The following CPA5 variants were observed in gnomAD, a reference collection of about 807,000 sequenced individuals.
CPA5 encodes testicular tissue protein Li 32.
Under a neutral mutation model 52.2 loss-of-function variants are expected in CPA5, and 38 were observed. The observed-to-expected ratio is 0.73, with a 90% CI of 0.56 to 0.95. The LOEUF (loss-of-function observed/expected upper bound fraction) is 0.95, where lower values mean the gene tolerates loss of function less well. CPA5 is among the 40% of genes least tolerant of loss of function. The pLI, the probability that CPA5 is intolerant of heterozygous loss-of-function variation, is 0.00. For missense variants in CPA5, 519 were observed against 566.7 expected, an observed-to-expected ratio of 0.92 and a Z score of 0.86; for synonymous variants, 198 against 213.7, an observed-to-expected ratio of 0.93 and a Z score of 0.64.
At position 130,346,555 on chromosome 7, in the gene CPA5, T is replaced by C. The variant is rs367730990; in HGVS notation, c.70T>C (p.Phe24Leu). The C allele has an allele frequency of 5.8e-5, 93 of 1,613,920 alleles. No homozygotes were observed. The highest frequency in any genetic ancestry group is 1.2e-4 in the Admixed American group (7 of 59,998). Residue 24 changes from phenylalanine to leucine, a missense_variant, in exon 3 of 13, where the codon TTC (phenylalanine) becomes CTC (leucine). By Grantham distance (22) the Phe-to-Leu change is conservative. Coordinates refer to ENST00000474905, the MANE Select transcript of CPA5 (RefSeq NM_080385.5). ...SPVDRRTLLV[F>L]SFILAAALGQ... is the part of the protein sequence containing the mutation. ...CGTGGACAGGCGGACACTCCTGGTCTTCAGCTTTATCCTGGCAGCAGCTTT... is the reference window on the plus strand; with the variant it reads ...CGTGGACAGGCGGACACTCCTGGTCCTCAGCTTTATCCTGGCAGCAGCTTT...
intron 5 of CPA5, among the ~76,000 whole-genome samples, chr7:130,358,337 G>A (rs1554405723): frequency 1.3e-5 from 2 of 152,058 alleles, no homozygotes; most frequent in African/African-American, 2.4e-5. Flanking sequence ...AGTTTTGATA[G>A]TTGGCCTTAA....
At chr7:130,347,524 G>C (rs1794842529) in intron 3 of CPA5, among the ~76,000 whole-genome samples, 1 of 152,164 alleles carries the variant, frequency 6.6e-6, no homozygotes, top group Non-Finnish European at 1.5e-5. Context: ...TTAGCCCCCG[G>C]GGTGGTCTGT....
chr7:130,348,552 C>A (rs1332479047), intron 4 of CPA5, among the ~76,000 whole-genome samples: 1 of 152,176 alleles, frequency 6.6e-6, no homozygotes, highest in African/African-American at 2.4e-5. Flanking sequence ...CCTACTTCTG[C>A]GGGGATGGGA....
At chr7:130,353,232 TCC>T (rs1562951459) in intron 5 of CPA5, among the ~76,000 whole-genome samples, 1 of 40,604 alleles carries the variant, frequency 2.5e-5, no homozygotes, top group East Asian at 9.2e-4. Context: ...GTCATCTCCA[TCC>T]CTGTCCGCCA....
chr7:130,363,279 C>T (rs1171793369), intron 9 of CPA5, 140 bp from the exon 10 acceptor site: 1 of 683,924 alleles, frequency 1.5e-6, no homozygotes, highest in Non-Finnish European at 2.5e-6. Context: ...CATGCCAGCC[C>T]CATCCTGTCC....
At chr7:130,353,027 C>A (rs1795264296) in intron 5 of CPA5, among the ~76,000 whole-genome samples, 1 of 152,068 alleles carries the variant, frequency 6.6e-6, no homozygotes, top group Non-Finnish European at 1.5e-5. Flanking sequence ...CCATCTAGAG[C>A]AGAATACAAT....
chr7:130,359,134 G>T (rs1554405907), intron 5 of CPA5, among the ~76,000 whole-genome samples: 1 of 152,180 alleles, frequency 6.6e-6, no homozygotes. Context: ...TTCACCTTGG[G>T]TCCTGACTCA....
intron 3 of CPA5, among the ~76,000 whole-genome samples, chr7:130,347,230 G>A (rs537927147): frequency 2.0e-5 from 3 of 152,180 alleles, no homozygotes; most frequent in African/African-American, 7.2e-5. Flanking sequence ...TCTTGGATAC[G>A]CAACCTCCAC....
intron 5 of CPA5, among the ~76,000 whole-genome samples, chr7:130,358,247 C>T (rs557810271): frequency 2.6e-4 from 40 of 152,236 alleles, no homozygotes; most frequent in Admixed American, 9.8e-4. Context: ...GACCCTCCTG[C>T]CTTGGACTCC....
chr7:130,363,025 G>C, intron 9 of CPA5, 31 bp downstream of exon 9: 1 of 1,360,388 alleles, frequency 7.4e-7, no homozygotes, highest in Non-Finnish European at 1.1e-6. Flanking sequence ...TGGAAGGAGG[G>C]GGTCAGCTCT....
Position 130,346,547 on chromosome 7 carries a change from T to C in CPA5, c.62T>C (p.Leu21Pro). The change falls in exon 3 of 13, where the codon CTC becomes CCC. Residue 21 changes from leucine to proline, a missense_variant. Physicochemically the swap from Leu to Pro is moderately conservative, Grantham distance 98 (BLOSUM62 -3). Coordinates refer to ENST00000474905, the MANE Select transcript of CPA5 (RefSeq NM_080385.5). ...CCATCCCCCGTGGACAGGCGGACAC[T>C]CCTGGTCTTCAGCTTTATCCTGGCA... ...PGPSPVDRRT[L>P]LVFSFILAAA... 2 of 1,614,054 alleles carry C rather than the reference T, an allele frequency of 1.2e-6. No individual in the cohort carries two copies. The highest frequency in any genetic ancestry group is 1.7e-6 in the Non-Finnish European group (2 of 1,179,952).
At chr7:130,362,613 G>A (rs895318720) in intron 8 of CPA5, 74 bp downstream of exon 8, 5 of 1,075,262 alleles carry the variant, frequency 4.7e-6, no homozygotes, top group East Asian at 4.8e-5. Context: ...ACTATTTAAG[G>A]GCACCTTCAG....
At chr7:130,353,032 T>C (rs905598479) in intron 5 of CPA5, among the ~76,000 whole-genome samples, 2 of 152,120 alleles carry the variant, frequency 1.3e-5, no homozygotes, top group African/African-American at 4.8e-5. Context: ...TAGAGCAGAA[T>C]ACAATTGAGT....
intron 8 of CPA5, 85 bp downstream of exon 8, chr7:130,362,624 T>C: frequency 1.0e-6 from 1 of 961,546 alleles, no homozygotes; most frequent in Non-Finnish European, 1.6e-6. Context: ...GCACCTTCAG[T>C]TCAACAGTTA....
At chr7:130,362,099 A>G (rs1203393690) in intron 7 of CPA5, among the ~76,000 whole-genome samples, 3 of 152,116 alleles carry the variant, frequency 2.0e-5, no homozygotes, top group African/African-American at 7.2e-5. Context: ...CCCTCCCCAG[A>G]CCTACTAAGT....
intron 3 of CPA5, among the ~76,000 whole-genome samples, chr7:130,347,046 T>G (rs1445402560): frequency 6.6e-6 from 1 of 152,138 alleles, no homozygotes; most frequent in Non-Finnish European, 1.5e-5. Context: ...CCTCTGTGGA[T>G]GTACTTTGAG....
chr7:130,374,416 C>T, the CPA5 span, among the ~76,000 whole-genome samples: 1 of 152,098 alleles, frequency 6.6e-6, no homozygotes, highest in Non-Finnish European at 1.5e-5. Context: ...GCCTGCAGTT[C>T]ACCTCTTGCT....
At chr7:130,370,951 G>A (rs1409614901), downstream of CPA5, among the ~76,000 whole-genome samples, 1 of 152,186 alleles carries the variant, frequency 6.6e-6, no homozygotes, top group Non-Finnish European at 1.5e-5. Context: ...CTCTGCCATT[G>A]TCCACTGGGG....
intron 5 of CPA5, among the ~76,000 whole-genome samples, chr7:130,357,961 T>C (rs1399256551): frequency 9.9e-6 from 1 of 101,098 alleles, no homozygotes; most frequent in African/African-American, 4.4e-5. Flanking sequence ...TCTGTGTGTG[T>C]GTGTGTGTGT....
Sources: gnomAD v4.1 joint callset for allele counts (sites outside exome capture counted in the v4.1 genomes callset) on GRCh38, gnomAD v4.1.1 for gene constraint, MANE v1.5 for transcripts, NCBI Gene and HGNC (gene_info 2026-07-23, HGNC 2026-07-21) for gene names.